The following DIAPH2 variants were observed in gnomAD, a reference collection of about 807,000 sequenced individuals.
DIAPH2 encodes the protein protein diaphanous homolog 2.
Under a neutral mutation model 92.7 loss-of-function variants are expected in DIAPH2, and 35 were observed. That is an observed-to-expected ratio of 0.38 (90% CI 0.29 to 0.50). The LOEUF (loss-of-function observed/expected upper bound fraction) is 0.50. DIAPH2 is among the 20% of genes least tolerant of loss of function. The pLI, the probability that DIAPH2 is intolerant of heterozygous loss-of-function variation, is 0.94. For missense variants in DIAPH2, 701 were observed against 819.5 expected, an observed-to-expected ratio of 0.86 and a Z score of 1.77; for synonymous variants, 301 against 280.4, an observed-to-expected ratio of 1.07 and a Z score of -0.73.
At chrX:97,329,702 T>C (rs1267171514) in intron 23 of DIAPH2, among the ~76,000 whole-genome samples, 1 of 111,125 alleles carries the variant, frequency 9.0e-6, no homozygotes, top group African/African-American at 3.3e-5. Flanking sequence ...TCTCCACTTA[T>C]GGTTGGCTCA....
chrX:96,939,518 A>ATATATG (rs2065682338), intron 12 of DIAPH2, 136 bp downstream of exon 12: 8 of 45,645 alleles, frequency 1.8e-4, no homozygotes, highest in African/African-American at 5.9e-4. Flanking sequence ...ATATGTATGT[A>ATATATG]TATATATATA....
chrX:97,115,451 G>A (rs373990874), intron 21 of DIAPH2, among the ~76,000 whole-genome samples: 4 of 110,863 alleles, frequency 3.6e-5, no homozygotes, highest in Admixed American at 9.7e-5. Flanking sequence ...CAGGAGAGTC[G>A]CTTGAACACG....
intron 23 of DIAPH2, among the ~76,000 whole-genome samples, chrX:97,256,091 C>T (rs1190516900): frequency 3.6e-5 from 4 of 112,161 alleles, no homozygotes. Context: ...GTACCCTCAA[C>T]CTGACAAATT....
At chrX:96,964,916 A>C (rs1484941413) in intron 16 of DIAPH2, among the ~76,000 whole-genome samples, 177 bp from the exon 17 acceptor site, 2 of 111,802 alleles carry the variant, frequency 1.8e-5, no homozygotes, top group Non-Finnish European at 3.8e-5. Context: ...TCGTCACATA[A>C]TTCTGAATTT....
intron 24 of DIAPH2, among the ~76,000 whole-genome samples, chrX:97,379,174 G>A (rs1173061820): frequency 9.0e-6 from 1 of 111,127 alleles, no homozygotes; most frequent in Non-Finnish European, 1.9e-5. Flanking sequence ...TACCTTAGAT[G>A]CCAATATTAT....
At chrX:96,967,007 G>A (rs768459073) in intron 17 of DIAPH2, among the ~76,000 whole-genome samples, 1 of 111,389 alleles carries the variant, frequency 9.0e-6, no homozygotes, top group Admixed American at 9.5e-5. Context: ...ATATTCACAG[G>A]CAATTTTATT....
chrX:97,064,512 C>T (rs1231125597), intron 17 of DIAPH2, among the ~76,000 whole-genome samples: 2 of 110,313 alleles, frequency 1.8e-5, no homozygotes, highest in Non-Finnish European at 3.8e-5. Flanking sequence ...TACCCCACCC[C>T]CCTCAACACC....
chrX:96,824,769 A>G (rs6620180), intron 4 of DIAPH2, among the ~76,000 whole-genome samples: 11,321 of 110,995 alleles, frequency 0.1, 541 homozygotes, highest in East Asian at 0.32. Context: ...AAGTGAGCAT[A>G]CATCACCTAT....
chrX:97,366,555 T>A, intron 24 of DIAPH2, among the ~76,000 whole-genome samples: 1 of 112,139 alleles, frequency 8.9e-6, no homozygotes, highest in Non-Finnish European at 1.9e-5. Flanking sequence ...TGATTTACTG[T>A]TCACTTATGA....
At chrX:97,142,443 G>A (rs1025749853) in intron 22 of DIAPH2, among the ~76,000 whole-genome samples, 2 of 111,377 alleles carry the variant, frequency 1.8e-5, no homozygotes, top group Admixed American at 1.9e-4. Flanking sequence ...GAAGGGAATG[G>A]TTGACTCTGA....
At chrX:96,826,802 G>T (rs2064818878) in intron 4 of DIAPH2, among the ~76,000 whole-genome samples, 1 of 111,216 alleles carries the variant, frequency 9.0e-6, no homozygotes, top group African/African-American at 3.3e-5. Context: ...GCCTAGGCTG[G>T]ACTTAAACCC....
At chrX:96,912,215 A>G in intron 5 of DIAPH2, 113 bp from the exon 6 acceptor site, 1 of 607,471 alleles carries the variant, frequency 1.6e-6, no homozygotes, top group Non-Finnish European at 2.6e-6. Flanking sequence ...AAATAATGAC[A>G]AGCAATATTG....
intron 19 of DIAPH2, among the ~76,000 whole-genome samples, chrX:97,095,628 A>C (rs998153836): frequency 1.8e-5 from 2 of 110,819 alleles, no homozygotes; most frequent in Non-Finnish European, 3.8e-5. Context: ...GATAGAAGAC[A>C]AAAAAGAAAG....
At chrX:96,958,239 G>A in intron 16 of DIAPH2, 91 bp downstream of exon 16, 1 of 984,699 alleles carries the variant, frequency 1.0e-6, no homozygotes, top group Non-Finnish European at 1.3e-6. Flanking sequence ...GAGTATGACT[G>A]CTGACTCTTT....
At chrX:96,849,513 G>A (rs1434403511) in intron 4 of DIAPH2, among the ~76,000 whole-genome samples, 1 of 111,315 alleles carries the variant, frequency 9.0e-6, no homozygotes, top group Non-Finnish European at 1.9e-5. Context: ...CTTTCTCCTA[G>A]GATGCCCACT....
chrX:96,843,647 G>T (rs2064951775), intron 4 of DIAPH2, among the ~76,000 whole-genome samples: 1 of 111,163 alleles, frequency 9.0e-6, no homozygotes, highest in African/African-American at 3.3e-5. Context: ...AAAAGAAAAA[G>T]AAAAAAACTT....
At chrX:97,454,382 T>G (rs994399359) in intron 26 of DIAPH2, among the ~76,000 whole-genome samples, 3 of 110,783 alleles carry the variant, frequency 2.7e-5, no homozygotes, top group African/African-American at 6.6e-5. Flanking sequence ...GTCTCAACTA[T>G]GTAAAAAAAA....
At chrX:97,277,638 GGTAA>G (rs1466955895) in intron 23 of DIAPH2, among the ~76,000 whole-genome samples, 1 of 111,221 alleles carries the variant, frequency 9.0e-6, no homozygotes, top group African/African-American at 3.3e-5. Context: ...AAGAGTACCT[GGTAA>G]GTCCAGCTAA....
intron 25 of DIAPH2, among the ~76,000 whole-genome samples, chrX:97,396,632 T>A (rs2069707764): frequency 9.0e-6 from 1 of 111,309 alleles, no homozygotes; most frequent in Non-Finnish European, 1.9e-5. Flanking sequence ...TGAGACTCTG[T>A]CTAAAAAAAA....
Sources: gnomAD v4.1 joint callset for allele counts (sites outside exome capture counted in the v4.1 genomes callset) on GRCh38, gnomAD v4.1.1 for gene constraint, MANE v1.5 for transcripts, NCBI Gene and HGNC (gene_info 2026-07-23, HGNC 2026-07-21) for gene names.